Variants in RABGAP1L observed in about 807,000 individuals in gnomAD.
RABGAP1L encodes rab GTPase-activating protein 1-like.
In RABGAP1L, 63 loss-of-function variants were observed where a neutral mutation model predicts 137.7. The observed-to-expected ratio is 0.46, with a 90% confidence interval of 0.37 to 0.56. The LOEUF (loss-of-function observed/expected upper bound fraction) is 0.56, where lower values mean the gene tolerates loss of function less well. Ranked by LOEUF, RABGAP1L falls within the 20% of genes least tolerant of loss-of-function variation. The pLI is 0.00. For missense variants in RABGAP1L, 1,095 were observed against 1,244.0 expected (o/e 0.88, Z 1.80); for synonymous variants, 431 against 433.7 (o/e 0.99, Z 0.08).
chr1:174,172,852 G>T (rs1305679869), intron 1 of RABGAP1L, among the ~76,000 whole-genome samples: 1 of 152,024 alleles, frequency 6.6e-6, no homozygotes, highest in African/African-American at 2.4e-5. Flanking sequence ...TTTTTAGTTT[G>T]ATGTAGTCCT....
chr1:174,467,628 T>G (rs115353047), intron 13 of RABGAP1L, among the ~76,000 whole-genome samples: 2,603 of 152,264 alleles, frequency 0.017, 65 homozygotes, highest in African/African-American at 0.06. Context: ...TCATGTTATA[T>G]AATATGTTTA....
At position 174,506,770 on chromosome 1, in the gene RABGAP1L, A is replaced by G. The variant is rs145758813; in HGVS notation, c.1710+112625A>G. On this transcript the variant is annotated intron_variant, in intron 13 of 25. Transcript: ENST00000681986. ...CACCAAAATCTCTGAAATCACTGCT[A>G]AAGAACTTAATTCATATAACCAAAA... Among the ~76,000 whole-genome samples, 1,379 of 152,270 alleles carry G rather than the reference A, an allele frequency of 9.1e-3. 26 individuals carry two copies. Among genetic ancestry groups the G allele is most frequent in the African/African-American group, 0.032 (1,330 of 41,560 alleles).
chr1:174,502,731 T>C (rs74126817), intron 13 of RABGAP1L, among the ~76,000 whole-genome samples: 5,394 of 151,010 alleles, frequency 0.036, 126 homozygotes, highest in Middle Eastern at 0.091. Context: ...CACACACACA[T>C]ATATATATTT....
intron 1 of RABGAP1L, among the ~76,000 whole-genome samples, chr1:174,210,964 CTT>C (rs1668841624): frequency 6.6e-6 from 1 of 152,170 alleles, no homozygotes; most frequent in Admixed American, 6.5e-5. Flanking sequence ...AAGGAAAAAA[CTT>C]TTACTCTAGA....
At chr1:174,500,916 T>C (rs1242295693) in intron 13 of RABGAP1L, among the ~76,000 whole-genome samples, 1 of 152,202 alleles carries the variant, frequency 6.6e-6, no homozygotes, top group Non-Finnish European at 1.5e-5. Flanking sequence ...ACTGTCTTTT[T>C]ACCTGCCGCT....
intron 3 of RABGAP1L, among the ~76,000 whole-genome samples, chr1:174,226,081 G>T (rs1319893121): frequency 6.6e-6 from 1 of 152,072 alleles, no homozygotes; most frequent in Non-Finnish European, 1.5e-5. Context: ...AGTTTGCAGG[G>T]ACTTCTTTTT....
intron 14 of RABGAP1L, among the ~76,000 whole-genome samples, chr1:174,682,284 C>CTA (rs901002034): frequency 4.1e-5 from 6 of 145,252 alleles, no homozygotes; most frequent in Non-Finnish European, 5.9e-5. Context: ...CTCTCTCTCT[C>CTA]TCTCTCTCTC....
intron 1 of RABGAP1L, among the ~76,000 whole-genome samples, chr1:174,175,492 CTT>C (rs771691150): frequency 1.5e-4 from 21 of 137,100 alleles, no homozygotes; most frequent in Admixed American, 2.9e-4. Context: ...TTTCTTTTTT[CTT>C]TTTTTTTTTT....
At chr1:174,942,874 G>A (rs1376172020) in intron 19 of RABGAP1L, among the ~76,000 whole-genome samples, 1 of 152,146 alleles carries the variant, frequency 6.6e-6, no homozygotes, top group Non-Finnish European at 1.5e-5. Flanking sequence ...TACCTTTCTT[G>A]TGGAACCTGT....
chr1:174,579,107 A>C (rs570851273), intron 13 of RABGAP1L, among the ~76,000 whole-genome samples: 5 of 152,268 alleles, frequency 3.3e-5, no homozygotes, highest in African/African-American at 9.6e-5. Flanking sequence ...TATGCCTTCT[A>C]TATGCCATAC....
chr1:174,503,658 C>CAAAAAA (rs61588327), intron 13 of RABGAP1L, among the ~76,000 whole-genome samples: 30,417 of 101,882 alleles, frequency 0.3, 6,466 homozygotes, highest in Non-Finnish European at 0.44. Flanking sequence ...GAGACTCCGT[C>CAAAAAA]AAAAAAAAAA....
chr1:174,743,693 A>C (rs1683639879), intron 17 of RABGAP1L, among the ~76,000 whole-genome samples: 1 of 152,066 alleles, frequency 6.6e-6, no homozygotes, highest in Non-Finnish European at 1.5e-5. Context: ...TGTTTTTTTA[A>C]AAAAAATTCT....
chr1:174,685,554 T>C (rs1470724435), intron 15 of RABGAP1L, among the ~76,000 whole-genome samples: 1 of 141,566 alleles, frequency 7.1e-6, no homozygotes, highest in Non-Finnish European at 1.5e-5. Flanking sequence ...CGCCGGCCTT[T>C]ATTTATTTAT....
intron 4 of RABGAP1L, 40 bp from the exon 5 acceptor site, chr1:174,241,443 G>C (rs375717257): frequency 1.3e-4 from 168 of 1,340,722 alleles, no homozygotes; most frequent in Middle Eastern, 5.8e-4. Context: ...TGTTCTTCGA[G>C]AATTAATATT....
intron 19 of RABGAP1L, among the ~76,000 whole-genome samples, chr1:174,939,563 GAAAA>G (rs1264996974): frequency 6.8e-6 from 1 of 146,722 alleles, no homozygotes; most frequent in Non-Finnish European, 1.5e-5. Context: ...AAAAAAAAAA[GAAAA>G]AAAGAAATGA....
intron 2 of RABGAP1L, among the ~76,000 whole-genome samples, chr1:174,220,117 T>G (rs1669640848): frequency 6.6e-6 from 1 of 152,202 alleles, no homozygotes; most frequent in African/African-American, 2.4e-5. Context: ...CATCACTTAT[T>G]TGCTTAGGCT....
Position 174,914,073 on chromosome 1 carries a change from G to A in RABGAP1L, c.2341-43384G>A, listed in dbSNP as rs555170540. 1.8e-3 allele frequency among the ~76,000 whole-genome samples: 268 copies of A among 152,258 alleles called. 1 individual carries two copies. The highest frequency in any genetic ancestry group is 6.1e-3 in the African/African-American group (253 of 41,550). The stretch of plus-strand genomic sequence containing the variant: ...TTTATGGCTGGTCTGCAAACAGTCC[G>A]TAAAGATAGTTGCTGCCTATCATAC... On this transcript the variant is annotated intron_variant, in intron 19 of 25. Transcript: ENST00000681986.
At chr1:174,658,555 G>A (rs1456593152) in intron 14 of RABGAP1L, among the ~76,000 whole-genome samples, 1 of 152,076 alleles carries the variant, frequency 6.6e-6, no homozygotes. Flanking sequence ...TCTCTTGTGT[G>A]CAAATACCCT....
intron 17 of RABGAP1L, among the ~76,000 whole-genome samples, chr1:174,716,997 G>GGCAAGAATCCATTTTATCC (rs1244893511): frequency 2.6e-5 from 4 of 152,084 alleles, no homozygotes; most frequent in African/African-American, 9.7e-5. Flanking sequence ...CTCATTGGCA[G>GGCAAGAATCCATTTTATCC]GCAAGAATCC....
Sources: allele counts gnomAD v4.1 joint callset (sites outside exome capture counted in the v4.1 genomes callset), GRCh38; gene constraint gnomAD v4.1.1; transcripts MANE v1.5; gene names NCBI Gene and HGNC (gene_info 2026-07-23, HGNC 2026-07-21).